The following ENDOD1 variants were observed in gnomAD, a reference collection of about 807,000 sequenced individuals.
The protein encoded by ENDOD1 is endonuclease domain containing 1.
ENDOD1 carries 9 observed loss-of-function variants against 6.5 expected under a neutral mutation model. That is an observed-to-expected ratio of 1.39 (90% confidence interval 0.84 to 2.43). The LOEUF is 2.43. ENDOD1 is among the 30% of genes most tolerant of loss of function. ENDOD1 has a pLI of 0.00. For synonymous variants in ENDOD1, 255 were observed against 255.2 expected (o/e 1.00, Z 0.01); for missense variants, 648 against 635.5 (o/e 1.02, Z -0.21).
intron 1 of ENDOD1, among the ~76,000 whole-genome samples, chr11:95,098,482 G>A (rs1185733744): frequency 1.3e-5 from 2 of 152,108 alleles, no homozygotes; most frequent in African/African-American, 2.4e-5. Flanking sequence ...TATGTGATGG[G>A]TTATTACATA....
intron 1 of ENDOD1, among the ~76,000 whole-genome samples, chr11:95,118,799 G>T (rs976755783): frequency 6.6e-6 from 1 of 151,966 alleles, no homozygotes; most frequent in Admixed American, 6.6e-5. Flanking sequence ...TCTTAGATTT[G>T]CCCCTTTGAG....
Position 95,128,527 on chromosome 11 carries a change from A to G in ENDOD1, c.451A>G (p.Ser151Gly). ...RGQLYPFSLS[S>G]DVQVATFTLT... ...ACAGCTTTACCCATTCTCCCTTAGC[A>G]GTGATGTCCAGGTGGCCACATTTAC... Residue 151 changes from serine (S) to glycine (G), a missense_variant, in exon 2 of 2, where the codon AGT becomes GGT. Ser to Gly is a moderately conservative substitution (Grantham distance 56, BLOSUM62 0). Transcript: ENST00000278505. The G allele has an allele frequency of 6.2e-7, 1 of 1,614,262 alleles. No individual in the cohort carries two copies. Among genetic ancestry groups the G allele is most frequent in the Non-Finnish European group, 8.5e-7 (1 of 1,180,046 alleles).
Position 95,089,963 on chromosome 11 carries a change from C to A in ENDOD1, c.36C>A (p.Leu12=), listed in dbSNP as rs1555109617. The change falls in exon 1 of 2, where the codon CTC becomes CTA. Residue 12 remains leucine (L), a synonymous_variant. Transcript: ENST00000278505. The part of the protein sequence containing the change: ...GTARWLALGS[L]FALAGLLEGR... ...CGCGCTGGCTCGCGCTGGGCAGCCT[C>A]TTCGCCCTGGCTGGGCTGCTGGAAG... is the stretch of plus-strand genomic sequence containing the variant. 4 of 1,521,818 alleles carry A rather than the reference C, an allele frequency of 2.6e-6. No homozygotes were observed. The highest frequency in any genetic ancestry group is 2.6e-6 in the Non-Finnish European group (3 of 1,133,128). The allele number at this position is 1,521,818 out of a possible 1,614,324, so 94.3% of individuals were successfully genotyped here. A position where few individuals can be genotyped will look rare whatever the true frequency, so the allele number is the denominator to read the frequency against.
At position 95,090,223 on chromosome 11, in the gene ENDOD1, C is replaced by G. The variant is rs1176499687; in HGVS notation, c.296C>G (p.Pro99Arg). Residue 99 changes from proline (P) to arginine (R), a missense_variant, in exon 1 of 2, where the codon CCG (proline) becomes CGG (arginine). By Grantham distance (103) the Pro-to-Arg change is moderately radical. Coordinates refer to ENST00000278505, the MANE Select transcript of ENDOD1 (RefSeq NM_015036.3). ...GGAEQRWLVE[P>R]QIDDPNSNLE... ...GCCGAGCAGCGATGGCTGGTGGAGC[C>G]GCAGGTAAGCGAAGTGGTTCCCGAG... 1 of 1,375,694 alleles carries G rather than the reference C, an allele frequency of 7.3e-7. No individual in the cohort carries two copies. The highest frequency in any genetic ancestry group is 9.5e-7 in the Non-Finnish European group (1 of 1,053,706). The allele number at this position is 1,375,694 out of a possible 1,614,324, so 85.2% of individuals were successfully genotyped here. A position where few individuals can be genotyped will look rare whatever the true frequency, so the allele number is the denominator to read the frequency against.
At chr11:95,108,534 C>CACACAAAAAAAAAAAA (rs1176686943) in intron 1 of ENDOD1, among the ~76,000 whole-genome samples, 1 of 141,750 alleles carries the variant, frequency 7.1e-6, no homozygotes, top group African/African-American at 2.5e-5. Context: ...CACAGACACC[C>CACACAAAAAAAAAAAA]AAAAAAAGAA....
At chr11:95,105,452 G>A (rs1859080444) in intron 1 of ENDOD1, among the ~76,000 whole-genome samples, 1 of 152,034 alleles carries the variant, frequency 6.6e-6, no homozygotes, top group Non-Finnish European at 1.5e-5. Context: ...AAGTTCCGGG[G>A]TGCATGTGCA....
intron 1 of ENDOD1, among the ~76,000 whole-genome samples, chr11:95,123,277 C>T (rs1343097395): frequency 1.4e-5 from 2 of 145,328 alleles, no homozygotes; most frequent in South Asian, 2.1e-4. Flanking sequence ...ATGTAATGTC[C>T]GGTTTTTTTT....
chr11:95,116,608 G>T (rs117967715), intron 1 of ENDOD1, among the ~76,000 whole-genome samples: 3 of 151,810 alleles, frequency 2.0e-5, no homozygotes, highest in East Asian at 3.8e-4. Flanking sequence ...CTACTTTTTC[G>T]TTGTAGGTGC....
intron 1 of ENDOD1, among the ~76,000 whole-genome samples, chr11:95,125,134 T>TGG (rs1450597960): frequency 1.3e-5 from 2 of 152,174 alleles, no homozygotes; most frequent in Non-Finnish European, 2.9e-5. Context: ...GGGTGGCTCT[T>TGG]GGGCTAGAGA....
chr11:95,095,043 G>GCACACACA (rs56010766), intron 1 of ENDOD1, among the ~76,000 whole-genome samples: 12 of 147,902 alleles, frequency 8.1e-5, no homozygotes, highest in African/African-American at 2.2e-4. Flanking sequence ...GCGTGTGCAC[G>GCACACACA]CACACACACA....
intron 1 of ENDOD1, among the ~76,000 whole-genome samples, chr11:95,095,186 A>G (rs1555110188): frequency 1.3e-5 from 2 of 152,276 alleles, no homozygotes; most frequent in Non-Finnish European, 2.9e-5. Flanking sequence ...ACATTCATAC[A>G]GTAGCTGCTT....
intron 1 of ENDOD1, among the ~76,000 whole-genome samples, chr11:95,102,441 G>A (rs1859049770): frequency 6.6e-6 from 1 of 151,822 alleles, no homozygotes; most frequent in South Asian, 2.1e-4. Context: ...GGAGGCCGAG[G>A]CAGGTGGATC....
intron 1 of ENDOD1, among the ~76,000 whole-genome samples, chr11:95,096,162 T>C (rs1858981315): frequency 6.8e-6 from 1 of 147,348 alleles, no homozygotes; most frequent in Non-Finnish European, 1.5e-5. Context: ...AATCCTCTTA[T>C]TTGCCAGTAG....
chr11:95,105,904 G>A (rs1859084873), intron 1 of ENDOD1, among the ~76,000 whole-genome samples: 1 of 152,200 alleles, frequency 6.6e-6, no homozygotes, highest in Admixed American at 6.5e-5. Flanking sequence ...ACTAGCAACA[G>A]CAGGAAGCTG....
Position 95,100,875 on chromosome 11 carries a change from T to TTG in ENDOD1, c.300+10649_300+10650insGT, listed in dbSNP as rs201069158. 6.3e-3 allele frequency among the ~76,000 whole-genome samples: 932 copies of TTG among 147,544 alleles called. 11 individuals carry two copies. Among genetic ancestry groups the TTG allele is most frequent in the Middle Eastern group, 0.017 (5 of 290 alleles). On this transcript the variant is annotated intron_variant, in intron 1 of 1. Transcript: ENST00000278505. ...TTGTACCTGCTGGGTGTTTTTTTTT[T>TTG]TTTTTTTTTTTGCCTTCCGTGATAT...
rs781966714 is a variant in ENDOD1, at chr11:95,090,142, G to A, written c.215G>A (p.Arg72Gln). The A allele has an allele frequency of 1.3e-6, 2 of 1,523,302 alleles. No individual in the cohort carries two copies. Among genetic ancestry groups the A allele is most frequent in the East Asian group, 2.7e-5 (1 of 37,034 alleles). 94.4% of individuals were successfully genotyped at this position (1,523,302 alleles called of 1,614,324 possible). Residue 72 changes from arginine (R) to glutamine (Q), a missense_variant, in exon 1 of 2, where the codon CGG becomes CAG. Arg to Gln is a conservative substitution (Grantham distance 43). Coordinates refer to ENST00000278505, the MANE Select transcript of ENDOD1 (RefSeq NM_015036.3). Reference protein sequence around the residue: ...AERFATLYSTRDRIPVYSAFR... With the variant: ...AERFATLYSTQDRIPVYSAFR... ...CGCTTCGCCACCCTCTACAGCACCC[G>A]GGACCGCATCCCCGTGTACTCCGCG... is the stretch of plus-strand genomic sequence containing the variant.
chr11:95,100,086 T>C (rs1859023504), intron 1 of ENDOD1, among the ~76,000 whole-genome samples: 1 of 152,232 alleles, frequency 6.6e-6, no homozygotes, highest in Admixed American at 6.5e-5. Context: ...GTATCCATCA[T>C]AGAACCAGAT....
chr11:95,110,577 GTA>G (rs1859138608), intron 1 of ENDOD1, among the ~76,000 whole-genome samples: 5 of 135,886 alleles, frequency 3.7e-5, no homozygotes, highest in African/African-American at 1.1e-4. Context: ...TCAAGTCCGT[GTA>G]TGTATGTGTG....
At chr11:95,127,927 T>C (rs1210833674) in intron 1 of ENDOD1, among the ~76,000 whole-genome samples, 1 of 152,086 alleles carries the variant, frequency 6.6e-6, no homozygotes, top group Non-Finnish European at 1.5e-5. Flanking sequence ...ATCTAGCTAA[T>C]TTTTGTATTT....
Sources: gnomAD v4.1 joint callset for allele counts (sites outside exome capture counted in the v4.1 genomes callset) on GRCh38, gnomAD v4.1.1 for gene constraint, MANE v1.5 for transcripts, NCBI Gene and HGNC (gene_info 2026-07-23, HGNC 2026-07-21) for gene names.